Variants in NUDT3 observed in about 807,000 individuals in gnomAD.
The protein encoded by NUDT3 is nudix hydrolase 3.
Under a neutral mutation model 23.6 loss-of-function variants are expected in NUDT3, and 9 were observed. That is an observed-to-expected ratio of 0.38 (90% confidence interval 0.23 to 0.66). The LOEUF (loss-of-function observed/expected upper bound fraction) is 0.66. Ranked by LOEUF, NUDT3 falls within the 30% of genes least tolerant of loss-of-function variation. The pLI is 0.52. For synonymous variants in NUDT3, 86 were observed against 82.6 expected, an observed-to-expected ratio of 1.04 and a Z score of -0.22; for missense variants, 172 against 218.5, an observed-to-expected ratio of 0.79 and a Z score of 1.34.
chr6:34,374,280 T>C (rs1156295882), intron 1 of NUDT3, among the ~76,000 whole-genome samples: 6 of 152,160 alleles, frequency 3.9e-5, no homozygotes, highest in African/African-American at 7.2e-5. Flanking sequence ...AGTAGACAGA[T>C]TTCAACACTC....
chr6:34,371,760 T>C (rs1011658159), intron 1 of NUDT3, among the ~76,000 whole-genome samples: 1 of 152,200 alleles, frequency 6.6e-6, no homozygotes, highest in Admixed American at 6.5e-5. Context: ...ATTTTTTATA[T>C]TATACTTTAA....
At chr6:34,374,733 G>GT (rs1250710462) in intron 1 of NUDT3, among the ~76,000 whole-genome samples, 1 of 152,128 alleles carries the variant, frequency 6.6e-6, no homozygotes, top group African/African-American at 2.4e-5. Flanking sequence ...CTTGGCTAGT[G>GT]TGATTCCTTC....
chr6:34,297,756 TA>T lies in NUDT3; in HGVS notation c.211-2072del, dbSNP rs1167131401. Among the ~76,000 whole-genome samples, 94 of 79,700 alleles carry T rather than the reference TA, an allele frequency of 1.2e-3. 5 individuals are homozygous for T. The highest frequency in any genetic ancestry group is 1.6e-3 in the Non-Finnish European group (67 of 42,558). The allele number at this position is 79,700 out of a possible 152,430, so 52.3% of individuals were successfully genotyped here. A position where few individuals can be genotyped will look rare whatever the true frequency, so the allele number is the denominator to read the frequency against. On this transcript the variant is annotated intron_variant, in intron 2 of 4. Transcript: ENST00000607016. ...ATATATATATATATATATATATATA[TA>T]TAATTTTTTTTTTTTTTTTAGTAGA... is the stretch of plus-strand genomic sequence containing the variant.
chr6:34,353,972 G>A (rs1282546361), intron 1 of NUDT3, among the ~76,000 whole-genome samples: 1 of 151,388 alleles, frequency 6.6e-6, no homozygotes, highest in African/African-American at 2.4e-5. Context: ...GCATGGTCTC[G>A]GCTCACTGCA....
chr6:34,360,225 G>T (rs1764627703), intron 1 of NUDT3, among the ~76,000 whole-genome samples: 1 of 128,468 alleles, frequency 7.8e-6, no homozygotes, highest in Non-Finnish European at 1.6e-5. Context: ...GAAACAGAGT[G>T]AGACCCTGTC....
At chr6:34,339,838 C>G (rs535415843) in intron 2 of NUDT3, among the ~76,000 whole-genome samples, 1 of 152,242 alleles carries the variant, frequency 6.6e-6, no homozygotes, top group East Asian at 1.9e-4. Flanking sequence ...CCAATGTAAG[C>G]TAAATTTCTA....
rs952499361 is a variant in NUDT3 at position 34,290,401 on chromosome 6, CT to C, written c.341-1471del. Among the ~76,000 whole-genome samples, 943 of 107,316 alleles carry C rather than the reference CT, an allele frequency of 8.8e-3. 4 individuals are homozygous for C. Among genetic ancestry groups the C allele is most frequent in the African/African-American group, 0.02 (575 of 29,068 alleles). The allele number at this position is 107,316 out of a possible 152,430, so 70.4% of individuals were successfully genotyped here. On this transcript the variant is annotated intron_variant, in intron 4 of 4. Coordinates refer to ENST00000607016, the MANE Select transcript of NUDT3 (RefSeq NM_006703.4). ...GCACGTGCCACACCTGCTGCTGCTT[CT>C]TTTTTTTTTTTTTTTTTTTTTGGTA...
chr6:34,392,425 T>C lies in NUDT3; in HGVS notation c.-63A>G, dbSNP rs551197966. On this transcript the variant is annotated 5_prime_UTR_variant, in exon 1 of 5. Coordinates refer to ENST00000607016, the MANE Select transcript of NUDT3 (RefSeq NM_006703.4). ...GAGTCGAGGGGTGGGGAGCCCGCTC[T>C]GGACGGCCGCGTGCGCGCGCGCCCC... is the stretch of plus-strand genomic sequence containing the variant. 2 of 1,319,250 alleles carry C rather than the reference T, an allele frequency of 1.5e-6. No individual in the cohort carries two copies. Among genetic ancestry groups the C allele is most frequent in the African/African-American group, 1.5e-5 (1 of 65,808 alleles). The allele number at this position is 1,319,250 out of a possible 1,614,324, so 81.7% of individuals were successfully genotyped here. A position where few individuals can be genotyped will look rare whatever the true frequency, so the allele number is the denominator to read the frequency against.
intron 2 of NUDT3, among the ~76,000 whole-genome samples, chr6:34,340,586 G>C (rs1764273407): frequency 1.3e-5 from 2 of 152,082 alleles, no homozygotes; most frequent in South Asian, 2.1e-4. Flanking sequence ...TTCTACCCGG[G>C]TTAGCCTCCT....
At chr6:34,391,951 C>G (rs1024574554) in intron 1 of NUDT3, among the ~76,000 whole-genome samples, 5 of 152,234 alleles carry the variant, frequency 3.3e-5, no homozygotes, top group African/African-American at 4.8e-5. Flanking sequence ...AAGCCGCACT[C>G]TTCCCAGCCC....
At chr6:34,354,287 A>G (rs1260367059) in intron 1 of NUDT3, among the ~76,000 whole-genome samples, 12 of 151,972 alleles carry the variant, frequency 7.9e-5, no homozygotes, top group Non-Finnish European at 2.9e-5. Flanking sequence ...CTGGGATTAC[A>G]GGCATGAGCC....
At position 34,302,640 on chromosome 6, in the gene NUDT3, G is replaced by A. The variant is rs369164800; in HGVS notation, c.211-6955C>T. 1.2e-4 allele frequency among the ~76,000 whole-genome samples: 18 copies of A among 152,264 alleles called. No individual in the cohort carries two copies. The South Asian group carries it at 2.3e-3, about 19-fold the overall frequency. ...CCAGTTACTCGGGAGGCTGAGGCAG[G>A]AGAATTGCTTGAACCTGGGAGGCGG... On this transcript the variant is annotated intron_variant, in intron 2 of 4. Coordinates refer to ENST00000607016, the MANE Select transcript of NUDT3 (RefSeq NM_006703.4).
chr6:34,382,886 G>C (rs1035777924), intron 1 of NUDT3, among the ~76,000 whole-genome samples: 1 of 151,874 alleles, frequency 6.6e-6, no homozygotes, highest in East Asian at 1.9e-4. Context: ...CTAGCACTTT[G>C]GGAGGCCGAG....
chr6:34,349,819 G>A (rs942617413), intron 1 of NUDT3, among the ~76,000 whole-genome samples: 10 of 150,766 alleles, frequency 6.6e-5, no homozygotes, highest in East Asian at 1.9e-4. Context: ...GGCCAGGCAC[G>A]GTGGCTCACG....
At chr6:34,290,825 C>CA (rs1212270236) in intron 4 of NUDT3, among the ~76,000 whole-genome samples, 2 of 150,608 alleles carry the variant, frequency 1.3e-5, no homozygotes, top group African/African-American at 4.9e-5. Flanking sequence ...GACAGAGTCT[C>CA]AGTCTGTCAC....
chr6:34,301,033 T>A (rs1763590144), intron 2 of NUDT3, among the ~76,000 whole-genome samples: 1 of 152,250 alleles, frequency 6.6e-6, no homozygotes, highest in African/African-American at 2.4e-5. Flanking sequence ...TCCCTCAATA[T>A]TATGTTTCAG....
chr6:34,392,074 C>T (rs1385932100), intron 1 of NUDT3, among the ~76,000 whole-genome samples, 190 bp downstream of exon 1: 1 of 152,230 alleles, frequency 6.6e-6, no homozygotes, highest in Non-Finnish European at 1.5e-5. Flanking sequence ...CGCACTCAAA[C>T]CCGCTTCCCC....
At chr6:34,385,418 C>A (rs575885979) in intron 1 of NUDT3, among the ~76,000 whole-genome samples, 2 of 152,240 alleles carry the variant, frequency 1.3e-5, no homozygotes, top group Non-Finnish European at 2.9e-5. Context: ...GCAAATAAAT[C>A]TTTTATATGT....
intron 1 of NUDT3, among the ~76,000 whole-genome samples, chr6:34,354,730 A>C (rs866392839): frequency 1.6e-5 from 2 of 125,600 alleles, no homozygotes; most frequent in African/African-American, 2.9e-5. Flanking sequence ...CTCGGGGGGG[A>C]AAAAGTATAT....
Sources: allele counts gnomAD v4.1 joint callset (sites outside exome capture counted in the v4.1 genomes callset), GRCh38; gene constraint gnomAD v4.1.1; transcripts MANE v1.5; gene names NCBI Gene and HGNC (gene_info 2026-07-23, HGNC 2026-07-21).